The following CACNA1B variants were observed in gnomAD, a reference collection of about 807,000 sequenced individuals.
The protein encoded by CACNA1B is calcium voltage-gated channel subunit alpha1 B.
In CACNA1B, 70 loss-of-function variants were observed where a neutral mutation model predicts 247.2. That is an observed-to-expected ratio of 0.28 (90% CI 0.23 to 0.35). The LOEUF (loss-of-function observed/expected upper bound fraction) is 0.35. CACNA1B is among the 10% of genes least tolerant of loss of function. The pLI is 1.00. For synonymous variants in CACNA1B, 1,231 were observed against 1,294.4 expected (o/e 0.95, Z 1.05); for missense variants, 2,367 against 3,197.4 (o/e 0.74, Z 6.26).
chr9:137,982,844 T>C (rs1474532319), intron 12 of CACNA1B, among the ~76,000 whole-genome samples: 1 of 152,180 alleles, frequency 6.6e-6, no homozygotes, highest in Admixed American at 6.6e-5. Context: ...TTATCACAGG[T>C]TCTGTGCATA....
chr9:138,085,074 TA>T (rs1471146004), intron 36 of CACNA1B, among the ~76,000 whole-genome samples: 2 of 150,466 alleles, frequency 1.3e-5, no homozygotes, highest in East Asian at 4.1e-4. Flanking sequence ...ATAATGTTCT[TA>T]AAGAAGTGCA....
intron 36 of CACNA1B, among the ~76,000 whole-genome samples, chr9:138,085,314 A>C (rs1361578545): frequency 1.3e-5 from 2 of 151,046 alleles, no homozygotes; most frequent in Non-Finnish European, 2.9e-5. Flanking sequence ...ACTTGAAGAT[A>C]GGTCATTTGA....
In CACNA1B at chr9:137,971,330, G is replaced by A. The variant is rs989476114; in HGVS notation, c.1334-53G>A. 6.0e-6 allele frequency: 8 copies of A among 1,340,654 alleles called. No individual in the cohort carries two copies. In the African/African-American group the frequency reaches 7.2e-5, roughly 12 times the overall value. The allele number at this position is 1,340,654 out of a possible 1,614,324, so 83.0% of individuals were successfully genotyped here. A position where few individuals can be genotyped will look rare whatever the true frequency, so the allele number is the denominator to read the frequency against. On this transcript the variant is annotated intron_variant, in intron 10 of 46. Transcript: ENST00000371372. The surrounding 1 kb of genome is among the most constrained non-coding windows in gnomAD (Gnocchi z 4.4). ...GCGTCTGTGGGGGTCCACAGGTGGG[G>A]TAGGCGGGTGCCCATTGGTCCCCAC...
chr9:137,937,947 CAAAAAAAAAAAA>C (rs57680122), intron 6 of CACNA1B, among the ~76,000 whole-genome samples: 140 of 21,938 alleles, frequency 6.4e-3, no homozygotes, highest in Non-Finnish European at 9.6e-3. Context: ...AACTCTGTCT[CAAAAAAAAAAAA>C]AAAAAAAAAA....
At chr9:137,896,414 G>A (rs1957174154) in intron 3 of CACNA1B, among the ~76,000 whole-genome samples, 1 of 152,156 alleles carries the variant, frequency 6.6e-6, no homozygotes, top group Non-Finnish European at 1.5e-5. Context: ...TCTTTAGGAT[G>A]TTAATACAGT....
intron 15 of CACNA1B, among the ~76,000 whole-genome samples, chr9:137,995,012 C>G (rs777501326): frequency 6.6e-6 from 1 of 151,984 alleles, no homozygotes; most frequent in Non-Finnish European, 1.5e-5. Context: ...TGAGACCAGC[C>G]TGACCAACAT....
At position 137,971,293 on chromosome 9, in the gene CACNA1B, G is replaced by A. The variant is rs766833110; in HGVS notation, c.1334-90G>A. 4.0e-4 allele frequency: 350 copies of A among 867,956 alleles called. No individual in the cohort carries two copies. The highest frequency in any genetic ancestry group is 5.1e-4 in the Non-Finnish European group (279 of 545,028). 53.8% of individuals were successfully genotyped at this position (867,956 alleles called of 1,614,324 possible). A position where few individuals can be genotyped will look rare whatever the true frequency, so the allele number is the denominator to read the frequency against. The stretch of plus-strand genomic sequence containing the variant: ...TGACCGGCTGGGGCTGGGGGCAGGT[G>A]TCCTCCAGAGTGCGTCTGTGGGGGT... On this transcript the variant is annotated intron_variant, in intron 10 of 46. Transcript: ENST00000371372. The surrounding 1 kb of genome is among the most constrained non-coding windows in gnomAD (Gnocchi z 4.4).
At chr9:137,935,931 A>G (rs1589017750) in intron 6 of CACNA1B, among the ~76,000 whole-genome samples, 1 of 152,084 alleles carries the variant, frequency 6.6e-6, no homozygotes. Context: ...ATCTCGGCTC[A>G]CTGCAGCCTC....
intron 6 of CACNA1B, among the ~76,000 whole-genome samples, chr9:137,925,150 C>A (rs904792583): frequency 6.6e-6 from 1 of 152,184 alleles, no homozygotes; most frequent in Admixed American, 6.5e-5. Flanking sequence ...TCAGTCACCA[C>A]CACAACAGGA....
At chr9:138,009,076 G>T (rs777025178) in intron 16 of CACNA1B, among the ~76,000 whole-genome samples, 2 of 152,244 alleles carry the variant, frequency 1.3e-5, no homozygotes, top group African/African-American at 2.4e-5. Flanking sequence ...TCAGGAAAAG[G>T]CTGCTTCCAG....
chr9:138,071,289 G>C (rs570468126), intron 32 of CACNA1B, among the ~76,000 whole-genome samples: 1 of 152,358 alleles, frequency 6.6e-6, no homozygotes, highest in South Asian at 2.1e-4. Context: ...TTCCAACTCA[G>C]GTAGAAGTAA....
chr9:137,970,789 A>G (rs2133364105), intron 10 of CACNA1B, among the ~76,000 whole-genome samples: 1 of 152,326 alleles, frequency 6.6e-6, no homozygotes, highest in Middle Eastern at 3.4e-3. Context: ...GGTGGTGAGC[A>G]GGGTAGAGAA....
rs182152210 is a variant in CACNA1B at position 138,062,544 on chromosome 9, G to A, written c.4668+2807G>A. ...GTCTGACAGCACATCACTATGGGGA[G>A]ATGCTTTGGTGTCATAGACAGCGAT... On this transcript the variant is annotated intron_variant, in intron 31 of 46. Coordinates refer to ENST00000371372, the MANE Select transcript of CACNA1B (RefSeq NM_000718.4). Among the ~76,000 whole-genome samples, 254 of 152,320 alleles carry A rather than the reference G, an allele frequency of 1.7e-3. 1 individual carries two copies. Among genetic ancestry groups the A allele is most frequent in the African/African-American group, 5.3e-3 (222 of 41,564 alleles).
At chr9:138,098,014 C>T (rs1239759287) in intron 37 of CACNA1B, among the ~76,000 whole-genome samples, 2 of 152,226 alleles carry the variant, frequency 1.3e-5, no homozygotes, top group Non-Finnish European at 2.9e-5. Flanking sequence ...GCATCGGGGG[C>T]CCTGGGATGG....
Position 137,917,455 on chromosome 9 carries a change from C to A in CACNA1B, c.966+24C>A, listed in dbSNP as rs1957424630. The A allele has an allele frequency of 2.5e-6, 4 of 1,604,814 alleles. No individual in the cohort carries two copies. Among genetic ancestry groups the A allele is most frequent in the Non-Finnish European group, 2.6e-6 (3 of 1,174,274 alleles). ...ATGTGAGTGGCGTCTTGGCCCTGGG[C>A]CTGAGGGCAGGCCCTGGACCTCCTG... On this transcript the variant is annotated intron_variant, in intron 6 of 46. Transcript: ENST00000371372. The surrounding 1 kb of genome is among the most constrained non-coding windows in gnomAD (Gnocchi z 5.5).
At chr9:137,944,616 G>A (rs1046349707) in intron 6 of CACNA1B, among the ~76,000 whole-genome samples, 4 of 152,168 alleles carry the variant, frequency 2.6e-5, no homozygotes, top group Non-Finnish European at 5.9e-5. Context: ...CATCTCCCCT[G>A]AGAGATCAAA....
At chr9:137,949,583 G>A (rs971847936) in intron 6 of CACNA1B, among the ~76,000 whole-genome samples, 1 of 152,050 alleles carries the variant, frequency 6.6e-6, no homozygotes, top group Non-Finnish European at 1.5e-5. Context: ...TGGCTCATGT[G>A]ATCACAGAGG....
chr9:138,023,889 T>G, intron 19 of CACNA1B, 78 bp downstream of exon 19: 1 of 734,340 alleles, frequency 1.4e-6, no homozygotes, highest in Non-Finnish European at 2.4e-6. Flanking sequence ...GCTGCGGCCA[T>G]GGGGTCCACG....
rs764309592 is a variant in CACNA1B, at chr9:138,102,699, A to AC, written c.5223-11dup. The AC allele has an allele frequency of 5.7e-6, 9 of 1,586,578 alleles. No homozygotes were observed. The African/African-American group carries it at 1.1e-4, about 19-fold the overall frequency. ...CCCACTGTGCCCTGGCCTCGCTGGG[A>AC]CGGGTTTCCAGTGGGCGCATCAGTT... On this transcript the variant is annotated splice_polypyrimidine_tract_variant and intron_variant, in intron 37 of 46. Transcript: ENST00000371372. The surrounding 1 kb of genome is among the most constrained non-coding windows in gnomAD (Gnocchi z 5.4).
Sources: allele counts gnomAD v4.1 joint callset (sites outside exome capture counted in the v4.1 genomes callset), GRCh38; gene constraint gnomAD v4.1.1; non-coding constraint Gnocchi (gnomAD v3.1); transcripts MANE v1.5; gene names NCBI Gene and HGNC (gene_info 2026-07-23, HGNC 2026-07-21).